The following APP variants were observed in gnomAD, a reference collection of about 807,000 sequenced individuals.
APP encodes the protein amyloid-beta precursor protein.
A neutral mutation model predicts 101.4 loss-of-function variants in APP; 31 were observed. The observed-to-expected ratio is 0.31, with a 90% confidence interval of 0.23 to 0.41. APP has a LOEUF of 0.41. Among genes scored for constraint, APP ranks in the 10% least tolerant of loss-of-function variants. The pLI, the probability that APP is intolerant of heterozygous loss-of-function variation, is 1.00. For synonymous variants in APP, 366 were observed against 364.4 expected, an observed-to-expected ratio of 1.00 and a Z score of -0.05; for missense variants, 839 against 1,003.7, an observed-to-expected ratio of 0.84 and a Z score of 2.22.
At chr21:25,944,580 T>G (rs1456111225) in intron 13 of APP, among the ~76,000 whole-genome samples, 3 of 152,234 alleles carry the variant, frequency 2.0e-5, no homozygotes, top group Non-Finnish European at 4.4e-5. Context: ...AACAAACTCA[T>G]GTCATTCCCA....
At chr21:26,000,235 T>G (rs991454085) in intron 6 of APP, 53 bp from the exon 7 acceptor site, 1 of 1,602,026 alleles carries the variant, frequency 6.2e-7, no homozygotes, top group Non-Finnish European at 8.5e-7. Flanking sequence ...GCACTGTCTC[T>G]CTGTTCATGT....
At chr21:25,884,035 C>T (rs1055146962) in intron 17 of APP, among the ~76,000 whole-genome samples, 22 of 151,866 alleles carry the variant, frequency 1.4e-4, no homozygotes, top group Admixed American at 9.2e-4. Context: ...CCCGCCACTA[C>T]GCCTGGCTAA....
intron 1 of APP, among the ~76,000 whole-genome samples, chr21:26,112,380 C>T (rs956072373): frequency 7.9e-5 from 12 of 152,100 alleles, no homozygotes; most frequent in African/African-American, 2.9e-4. Flanking sequence ...TTACCAATAC[C>T]GAAAGGAATT....
At chr21:26,006,867 G>C (rs1196816730) in intron 6 of APP, among the ~76,000 whole-genome samples, 1 of 152,024 alleles carries the variant, frequency 6.6e-6, no homozygotes, top group Admixed American at 6.6e-5. Flanking sequence ...AATAAAGCTG[G>C]TTTTAGAATA....
intron 1 of APP, among the ~76,000 whole-genome samples, chr21:26,144,442 T>A (rs1390947273): frequency 6.6e-6 from 1 of 152,246 alleles, no homozygotes; most frequent in Non-Finnish European, 1.5e-5. Flanking sequence ...TTTACTGTTT[T>A]TATACAGCCT....
chr21:26,004,442 G>A lies in APP; in HGVS notation c.866-4260C>T, dbSNP rs2043430739. 0.047 allele frequency among the ~76,000 whole-genome samples: 5 copies of A among 106 alleles called. No individual in the cohort carries two copies. In the East Asian group the frequency reaches 0.5, roughly 11 times the overall value. 0.1% of individuals were successfully genotyped at this position (106 alleles called of 152,430 possible). The stretch of plus-strand genomic sequence containing the variant: ...TGAGTAGCTGGGATTACAAGCACCC[G>A]CCACACACCGGCTAATTTTTTTCGA... On this transcript the variant is annotated intron_variant, in intron 6 of 17. Transcript: ENST00000346798.
In APP at chr21:25,891,800, GACA is replaced by G; in HGVS notation, c.2130_2132del (p.Val711del). On this transcript the variant is annotated inframe_deletion, in exon 17 of 18. Transcript: ENST00000346798. Reference sequence around the variant, plus strand: ...AGGTGATGACGATCACTGTCGCTATGACAACACCGCCCACCATGAGTCCAATGA... The same window carrying G: ...AGGTGATGACGATCACTGTCGCTATGACACCGCCCACCATGAGTCCAATGA... The G allele has an allele frequency of 6.2e-7, 1 of 1,614,042 alleles. No homozygotes were observed. Among genetic ancestry groups the G allele is most frequent in the African/African-American group, 1.3e-5 (1 of 75,018 alleles).
At chr21:26,106,994 G>A (rs1202592046) in intron 2 of APP, among the ~76,000 whole-genome samples, 1 of 152,236 alleles carries the variant, frequency 6.6e-6, no homozygotes, top group East Asian at 1.9e-4. Flanking sequence ...GAGCAAAAGA[G>A]ATTGCTGGGT....
chr21:25,926,880 G>T (rs2039919021), intron 13 of APP, among the ~76,000 whole-genome samples: 1 of 151,754 alleles, frequency 6.6e-6, no homozygotes, highest in South Asian at 2.1e-4. Flanking sequence ...TGGTGGCACT[G>T]TAGTCCCAGC....
intron 11 of APP, among the ~76,000 whole-genome samples, chr21:25,959,374 A>G (rs1280605206): frequency 2.0e-5 from 3 of 152,244 alleles, no homozygotes. Flanking sequence ...CGGAGCTTGC[A>G]GTGACCTGAG....
chr21:26,145,573 A>G (rs561015714), intron 1 of APP, among the ~76,000 whole-genome samples: 19 of 152,230 alleles, frequency 1.2e-4, no homozygotes, highest in African/African-American at 4.3e-4. Context: ...GTACCTGTCC[A>G]TGGCTGGGTG....
At chr21:26,114,930 A>G (rs1248110699) in intron 1 of APP, among the ~76,000 whole-genome samples, 3 of 152,154 alleles carry the variant, frequency 2.0e-5, no homozygotes, top group African/African-American at 7.2e-5. Context: ...ATATGTGTGT[A>G]TGTTGACTAC....
chr21:25,962,252 G>T (rs1162067022), intron 11 of APP, among the ~76,000 whole-genome samples: 1 of 151,904 alleles, frequency 6.6e-6, no homozygotes, highest in African/African-American at 2.4e-5. Context: ...ATTTATTAAA[G>T]GATTAAGAAC....
At chr21:25,929,280 T>C (rs1421991279) in intron 13 of APP, among the ~76,000 whole-genome samples, 1 of 152,174 alleles carries the variant, frequency 6.6e-6, no homozygotes, top group Non-Finnish European at 1.5e-5. Flanking sequence ...TAATAAAATA[T>C]AATGTTTTTA....
At chr21:25,991,463 T>C (rs1354269981) in intron 8 of APP, among the ~76,000 whole-genome samples, 2 of 152,180 alleles carry the variant, frequency 1.3e-5, no homozygotes, top group African/African-American at 4.8e-5. Flanking sequence ...CTGCAACCTC[T>C]GCCTCCCGGG....
chr21:26,062,212 A>AAAAC (rs77410416), intron 3 of APP, among the ~76,000 whole-genome samples: 13 of 134,612 alleles, frequency 9.7e-5, no homozygotes, highest in Non-Finnish European at 1.4e-4. Flanking sequence ...TCTGTCTCAA[A>AAAAC]AAACAAACAA....
chr21:25,973,122 C>T (rs2042094472), intron 11 of APP, among the ~76,000 whole-genome samples: 1 of 147,914 alleles, frequency 6.8e-6, no homozygotes, highest in South Asian at 2.2e-4. Context: ...TACAAACCAA[C>T]AAAAGAGATA....
chr21:25,912,336 C>A (rs543875897), intron 13 of APP, among the ~76,000 whole-genome samples: 2 of 152,186 alleles, frequency 1.3e-5, no homozygotes, highest in African/African-American at 4.8e-5. Context: ...CAGGAATAAA[C>A]GCCAGGCTTT....
At position 26,100,714 on chromosome 21, in the gene APP, C is replaced by G. The variant is rs576925893; in HGVS notation, c.226-10642G>C. ...CAGTTTCTGCTTTGTGCAGGCACTG[C>G]TGTGCTTTGTTTGCTGATCCTGTTA... On this transcript the variant is annotated intron_variant, in intron 2 of 17. Transcript: ENST00000346798. Among the ~76,000 whole-genome samples the G allele has an allele frequency of 1.3e-4, 20 of 152,318 alleles. No individual in the cohort carries two copies. The South Asian group carries it at 4.1e-3, about 32-fold the overall frequency.
Sources: allele counts gnomAD v4.1 joint callset (sites outside exome capture counted in the v4.1 genomes callset), GRCh38; gene constraint gnomAD v4.1.1; transcripts MANE v1.5; gene names NCBI Gene and HGNC (gene_info 2026-07-23, HGNC 2026-07-21).